CD1B: variants seen among roughly 807,000 people sequenced by gnomAD.
CD1B encodes CD1b molecule.
A neutral mutation model predicts 39.8 loss-of-function variants in CD1B; 43 were observed. The ratio of observed to expected loss-of-function variants is 1.08; its 90% CI spans 0.85 to 1.39. The LOEUF is 1.39. CD1B is among the 40% of genes most tolerant of loss of function. The pLI is 0.00. For missense variants in CD1B, 495 were observed against 403.8 expected (o/e 1.23, Z -1.94); for synonymous variants, 192 against 152.5 (o/e 1.26, Z -1.91).
downstream of CD1B, among the ~76,000 whole-genome samples, chr1:158,326,816 A>C (rs974646363): frequency 6.9e-6 from 1 of 145,924 alleles, no homozygotes; most frequent in African/African-American, 2.8e-5. Flanking sequence ...TTATTTTTGG[A>C]GACAGGGTCT....
At chr1:158,288,175 T>G in the CD1B span, among the ~76,000 whole-genome samples, 7 of 152,208 alleles carry the variant, frequency 4.6e-5, no homozygotes, top group African/African-American at 7.2e-5. Flanking sequence ...ATGAATGATT[T>G]GGGTAGGATT....
chr1:158,310,710 A>T, the CD1B span, among the ~76,000 whole-genome samples: 1 of 152,188 alleles, frequency 6.6e-6, no homozygotes, highest in Non-Finnish European at 1.5e-5. Context: ...CATATTTAAA[A>T]ATTCTCAACA....
chr1:158,305,557 T>A, the CD1B span, among the ~76,000 whole-genome samples: 3 of 152,196 alleles, frequency 2.0e-5, no homozygotes, highest in South Asian at 6.2e-4. Context: ...CAGGCCAACA[T>A]TCAAACTCAG....
At chr1:158,314,123 T>C in the CD1B span, among the ~76,000 whole-genome samples, 2 of 152,090 alleles carry the variant, frequency 1.3e-5, no homozygotes, top group African/African-American at 4.8e-5. Flanking sequence ...CTAGCTCCAT[T>C]GCCCAGGCTG....
chr1:158,291,234 G>A, the CD1B span: 1 of 1,614,076 alleles, frequency 6.2e-7, no homozygotes, highest in Non-Finnish European at 8.5e-7. Context: ...ACGAGTTGCA[G>A]ACTCATGGCT....
chr1:158,308,730 A>T, the CD1B span, among the ~76,000 whole-genome samples: 1 of 152,232 alleles, frequency 6.6e-6, no homozygotes, highest in Non-Finnish European at 1.5e-5. Flanking sequence ...AGCAATGGGG[A>T]AAGGATTCCC....
the CD1B span, among the ~76,000 whole-genome samples, chr1:158,298,928 G>A: frequency 6.6e-6 from 1 of 152,046 alleles, no homozygotes; most frequent in Non-Finnish European, 1.5e-5. Flanking sequence ...GAGGTGATGG[G>A]GTTTTCTAAA....
the CD1B span, chr1:158,293,106 C>T: frequency 2.1e-6 from 2 of 973,356 alleles, no homozygotes; most frequent in Non-Finnish European, 3.2e-6. Context: ...AATAGGATAA[C>T]TGATGCAACT....
Position 158,328,935 on chromosome 1 carries a change from C to G in CD1B, c.966G>C (p.Trp322Cys), listed in dbSNP as rs780662796. 38 of 1,611,410 alleles carry G rather than the reference C, an allele frequency of 2.4e-5. No individual in the cohort carries two copies. Among genetic ancestry groups the G allele is most frequent in the African/African-American group, 5.4e-5 (4 of 74,534 alleles). Residue 322 changes from tryptophan to cysteine, a missense_variant, in exon 5 of 6, where the codon TGG (tryptophan) becomes TGC (cysteine). By Grantham distance (215) the Trp-to-Cys change is radical (BLOSUM62 -2). Coordinates refer to ENST00000368168, the MANE Select transcript of CD1B (RefSeq NM_001764.3). ...CCACAACTCACCGGCGCCTCATATA[C>G]CATAATGCAAGGCATAGCAAAAGGA... ...SLLLLLCLALWYMRRRSYQNI... is the reference protein window; with the variant it reads ...SLLLLLCLALCYMRRRSYQNI...
At chr1:158,319,494 A>C in the CD1B span, among the ~76,000 whole-genome samples, 1 of 151,992 alleles carries the variant, frequency 6.6e-6, no homozygotes, top group African/African-American at 2.4e-5. Context: ...GTAGTTCTTG[A>C]GCCTTGGTTG....
At chr1:158,304,466 G>A in the CD1B span, among the ~76,000 whole-genome samples, 4,584 of 152,218 alleles carry the variant, frequency 0.03, 221 homozygotes, top group African/African-American at 0.1. Flanking sequence ...GTAGCCCACC[G>A]CAGCTCAAGG....
chr1:158,286,355 A>G, the CD1B span, among the ~76,000 whole-genome samples: 4 of 152,160 alleles, frequency 2.6e-5, no homozygotes, highest in Non-Finnish European at 5.9e-5. Context: ...ATAAGTATTC[A>G]CCAGTGTAAA....
chr1:158,320,366 C>A, the CD1B span, among the ~76,000 whole-genome samples: 1 of 152,284 alleles, frequency 6.6e-6, no homozygotes, highest in African/African-American at 2.4e-5. Flanking sequence ...CATGGTGTGC[C>A]GTTTTTTAAG....
At chr1:158,304,796 C>A in the CD1B span, among the ~76,000 whole-genome samples, 1 of 152,220 alleles carries the variant, frequency 6.6e-6, no homozygotes. Flanking sequence ...TGCTGTTCTG[C>A]AGCCTCTGCT....
At chr1:158,326,262 A>G (rs867563400), downstream of CD1B, among the ~76,000 whole-genome samples, 2 of 152,176 alleles carry the variant, frequency 1.3e-5, no homozygotes, top group Non-Finnish European at 2.9e-5. Context: ...GTGAGCCACC[A>G]TGCCCGGCCC....
chr1:158,309,172 G>A, the CD1B span, among the ~76,000 whole-genome samples: 330 of 152,218 alleles, frequency 2.2e-3, 2 homozygotes, highest in African/African-American at 7.8e-3. Context: ...GTGGGCAAAG[G>A]ATATGAACAG....
chr1:158,306,896 C>T, the CD1B span, among the ~76,000 whole-genome samples: 2 of 151,998 alleles, frequency 1.3e-5, no homozygotes, highest in Admixed American at 6.6e-5. Flanking sequence ...AACAAAGACA[C>T]AACATACCAG....
At chr1:158,325,096 A>C (rs1357755907), downstream of CD1B, among the ~76,000 whole-genome samples, 2 of 151,464 alleles carry the variant, frequency 1.3e-5, no homozygotes, top group South Asian at 4.1e-4. Context: ...TGATTCCATC[A>C]AGGTAATAAG....
the CD1B span, among the ~76,000 whole-genome samples, chr1:158,288,935 A>G: frequency 1.1e-4 from 16 of 152,208 alleles, no homozygotes. Context: ...AGATCACAAA[A>G]CAACTTAAAT....
Sources: gnomAD v4.1 joint callset for allele counts (sites outside exome capture counted in the v4.1 genomes callset) on GRCh38, gnomAD v4.1.1 for gene constraint, MANE v1.5 for transcripts, NCBI Gene and HGNC (gene_info 2026-07-23, HGNC 2026-07-21) for gene names.